CDC73: variants seen among roughly 807,000 people sequenced by gnomAD.
The protein encoded by CDC73 is cell division cycle 73.
A neutral mutation model predicts 83.7 loss-of-function variants in CDC73; 21 were observed. The ratio of observed to expected loss-of-function variants is 0.25; its 90% CI spans 0.18 to 0.36. The LOEUF (loss-of-function observed/expected upper bound fraction) is 0.36, where lower values mean the gene tolerates loss of function less well. Among genes scored for constraint, CDC73 ranks in the 10% least tolerant of loss-of-function variants. CDC73 has a pLI of 1.00. For synonymous variants in CDC73, 224 were observed against 212.9 expected (o/e 1.05, Z -0.45); for missense variants, 342 against 653.3 (o/e 0.52, Z 5.19).
intron 3 of CDC73, among the ~76,000 whole-genome samples, chr1:193,133,844 C>G (rs1241017229): frequency 6.6e-6 from 1 of 151,028 alleles, no homozygotes; most frequent in African/African-American, 2.4e-5. Flanking sequence ...GTGATAAAAT[C>G]ATGAAAAATG....
At chr1:193,210,241 G>A (rs375544681) in intron 11 of CDC73, among the ~76,000 whole-genome samples, 8 of 152,304 alleles carry the variant, frequency 5.3e-5, no homozygotes, top group African/African-American at 1.9e-4. Flanking sequence ...CAATGAGAGA[G>A]CTATATAAAG....
At chr1:193,138,063 A>C (rs1183035386) in intron 5 of CDC73, 22 bp from the exon 6 acceptor site, 1 of 1,579,198 alleles carries the variant, frequency 6.3e-7, no homozygotes, top group African/African-American at 1.3e-5. Flanking sequence ...TTTTAAATGC[A>C]TTAACCAGTG....
chr1:193,158,773 C>T (rs1414441365), intron 10 of CDC73, among the ~76,000 whole-genome samples: 5 of 152,040 alleles, frequency 3.3e-5, no homozygotes, highest in Middle Eastern at 3.4e-3. Context: ...TTAAATGAAA[C>T]ACTATTTTTT....
At chr1:193,237,880 A>C (rs1359790645) in intron 15 of CDC73, among the ~76,000 whole-genome samples, 1 of 152,168 alleles carries the variant, frequency 6.6e-6, no homozygotes, top group Non-Finnish European at 1.5e-5. Context: ...TGACATTATG[A>C]TAGCTTTTTA....
intron 10 of CDC73, among the ~76,000 whole-genome samples, chr1:193,165,127 C>G (rs1676413774): frequency 6.6e-6 from 1 of 152,158 alleles, no homozygotes; most frequent in African/African-American, 2.4e-5. Flanking sequence ...TGGGCTCAAG[C>G]CATCCTCCTG....
At chr1:193,202,833 A>G (rs1468990986) in intron 10 of CDC73, among the ~76,000 whole-genome samples, 2 of 152,002 alleles carry the variant, frequency 1.3e-5, no homozygotes. Context: ...CAGTTTTACC[A>G]CGTTTACCAT....
intron 10 of CDC73, chr1:193,186,698 G>C (rs1676816282): frequency 6.6e-6 from 1 of 152,012 alleles, no homozygotes; most frequent in Admixed American, 6.6e-5. Context: ...CATTCATTTT[G>C]ACTAAAAACC....
At chr1:193,132,895 ATT>A (rs781435930) in intron 3 of CDC73, among the ~76,000 whole-genome samples, 98 of 113,180 alleles carry the variant, frequency 8.7e-4, no homozygotes, top group African/African-American at 2.4e-3. Context: ...TTTCCTGTAG[ATT>A]TTTTTTTTTT....
chr1:193,236,258 A>T lies in CDC73; in HGVS notation c.1319A>T (p.Asp440Val). 1 of 1,611,576 alleles carries T rather than the reference A, an allele frequency of 6.2e-7. No homozygotes were observed. The highest frequency in any genetic ancestry group is 8.5e-7 in the Non-Finnish European group (1 of 1,177,748). The change falls in exon 15 of 17, where the codon GAC becomes GTC. Residue 440 changes from aspartate (D) to valine (V), a missense_variant and splice_region_variant. Asp to Val is a radical substitution (Grantham distance 152). Transcript: ENST00000367435. ...CCCACCCACTTTTCTACTTGTAGGG[A>T]CCGCGTTGTAGCCGTTTTTGTGCAG... ...QPLKLMPQDW[D>V]RVVAVFVQGP...
chr1:193,185,543 T>C (rs967140359), intron 10 of CDC73, among the ~76,000 whole-genome samples: 1 of 152,214 alleles, frequency 6.6e-6, no homozygotes, highest in South Asian at 2.1e-4. Flanking sequence ...CATATTAAGG[T>C]TTTGTTTTAA....
intron 10 of CDC73, among the ~76,000 whole-genome samples, chr1:193,159,032 C>T (rs1676257621): frequency 6.6e-6 from 1 of 152,066 alleles, no homozygotes; most frequent in Non-Finnish European, 1.5e-5. Context: ...ATATTTTTTT[C>T]TCTTTTAGCA....
At chr1:193,249,910 T>C (rs373684639) in intron 16 of CDC73, 39 bp downstream of exon 16, 2 of 1,604,452 alleles carry the variant, frequency 1.2e-6, no homozygotes, top group Admixed American at 3.3e-5. Context: ...TGTGTTTTAT[T>C]GTAATTTTTC....
chr1:193,228,655 C>G (rs1179540628), intron 13 of CDC73, among the ~76,000 whole-genome samples: 2 of 152,114 alleles, frequency 1.3e-5, no homozygotes, highest in African/African-American at 4.8e-5. Flanking sequence ...TTACCTAACA[C>G]CATACACAAA....
In CDC73 at chr1:193,122,227, A is replaced by G. The variant is rs763452834; in HGVS notation, c.27A>G (p.Arg9=). 1.9e-5 allele frequency: 30 copies of G among 1,614,078 alleles called. No individual in the cohort carries two copies. The Admixed American group carries it at 3.8e-4, about 21-fold the overall frequency. Residue 9 remains arginine (R), a synonymous_variant, in exon 1 of 17, where the codon CGA becomes CGG. Coordinates refer to ENST00000367435, the MANE Select transcript of CDC73 (RefSeq NM_024529.5). The part of the protein sequence containing the change: MADVLSVL[R]QYNIQKKEIV... ...TGGCGGACGTGCTTAGCGTCCTGCGACAGTACAACATCCAGAAGAAGGAGA... is the reference window on the plus strand; with the variant it reads ...TGGCGGACGTGCTTAGCGTCCTGCGGCAGTACAACATCCAGAAGAAGGAGA...
chr1:193,237,840 G>A (rs928585370), intron 15 of CDC73, among the ~76,000 whole-genome samples: 6 of 152,032 alleles, frequency 3.9e-5, no homozygotes, highest in Non-Finnish European at 8.8e-5. Context: ...TCTGTCGTTC[G>A]GCCAGGATCT....
At chr1:193,188,522 C>A (rs1282290975) in intron 10 of CDC73, among the ~76,000 whole-genome samples, 1 of 151,696 alleles carries the variant, frequency 6.6e-6, no homozygotes, top group African/African-American at 2.4e-5. Flanking sequence ...TATATTTTCA[C>A]TTTTTCAACA....
intron 10 of CDC73, among the ~76,000 whole-genome samples, chr1:193,203,213 A>G (rs993650942): frequency 6.6e-6 from 1 of 152,144 alleles, no homozygotes; most frequent in African/African-American, 2.4e-5. Flanking sequence ...TTACATTTTC[A>G]GTAATTATTG....
intron 6 of CDC73, among the ~76,000 whole-genome samples, chr1:193,138,579 A>G (rs1424583236): frequency 6.6e-6 from 1 of 151,838 alleles, no homozygotes; most frequent in Non-Finnish European, 1.5e-5. Flanking sequence ...CATAGACAAT[A>G]CATGAATGGA....
rs56261261 is a variant in CDC73, at chr1:193,225,245, G to GATATATATATATATAT, written c.1155-7735_1155-7720dup. On this transcript the variant is annotated intron_variant, in intron 13 of 16. Transcript: ENST00000367435. ...CTTTTATGGCTGAGTAGTATTCCAT[G>GATATATATATATATAT]ATATATATATATATATATATATATA... 4.2e-4 allele frequency among the ~76,000 whole-genome samples: 60 copies of GATATATATATATATAT among 143,600 alleles called. 1 individual carries two copies. Among genetic ancestry groups the GATATATATATATATAT allele is most frequent in the Non-Finnish European group, 7.0e-4 (46 of 65,772 alleles). The allele number at this position is 143,600 out of a possible 152,430, so 94.2% of individuals were successfully genotyped here. A position where few individuals can be genotyped will look rare whatever the true frequency, so the allele number is the denominator to read the frequency against.
Sources: allele counts gnomAD v4.1 joint callset (sites outside exome capture counted in the v4.1 genomes callset), GRCh38; gene constraint gnomAD v4.1.1; transcripts MANE v1.5; gene names NCBI Gene and HGNC (gene_info 2026-07-23, HGNC 2026-07-21).